The following CCBE1 variants were observed in gnomAD, a reference collection of about 807,000 sequenced individuals.
CCBE1 encodes collagen and calcium-binding EGF domain-containing protein 1.
In CCBE1, 37 loss-of-function variants were observed where a neutral mutation model predicts 50.0. The observed-to-expected ratio is 0.74, with a 90% CI of 0.57 to 0.97. The LOEUF (loss-of-function observed/expected upper bound fraction) is 0.97, where lower values mean the gene tolerates loss of function less well. CCBE1 is among the 50% of genes least tolerant of loss of function. The probability of loss-of-function intolerance (pLI) is 0.00; values close to 1 mark genes in which losing one functional copy is unlikely to be tolerated. For synonymous variants in CCBE1, 234 were observed against 203.7 expected (o/e 1.15, Z -1.27); for missense variants, 538 against 523.8 (o/e 1.03, Z -0.26).
At chr18:59,499,738 G>C (rs78559518) in intron 2 of CCBE1, among the ~76,000 whole-genome samples, 1 of 152,150 alleles carries the variant, frequency 6.6e-6, no homozygotes. Flanking sequence ...AAACCATATC[G>C]CTAGGTAAGC....
rs138396998 is a variant in CCBE1 at position 59,538,415 on chromosome 18, C to T, written c.213-58177G>A. Among the ~76,000 whole-genome samples, 584 of 152,274 alleles carry T rather than the reference C, an allele frequency of 3.8e-3. 2 individuals carry two copies. The highest frequency in any genetic ancestry group is 0.011 in the African/African-American group (455 of 41,542). On this transcript the variant is annotated intron_variant, in intron 2 of 10. Transcript: ENST00000439986. ...CTATTATTGGGATACTTTGAAAAGG[C>T]GCGATGCAATGCCAAGAAGCAAATC... is the stretch of plus-strand genomic sequence containing the variant.
intron 2 of CCBE1, among the ~76,000 whole-genome samples, chr18:59,678,234 A>G (rs993926720): frequency 6.6e-6 from 1 of 152,242 alleles, no homozygotes; most frequent in Non-Finnish European, 1.5e-5. Context: ...GGCAAAAACC[A>G]AAAGAATAAG....
chr18:59,516,400 G>C (rs1168112370), intron 2 of CCBE1, among the ~76,000 whole-genome samples: 1 of 152,124 alleles, frequency 6.6e-6, no homozygotes. Flanking sequence ...TTTCATTAAG[G>C]CTGGGGGATA....
chr18:59,530,180 C>G (rs775401621), intron 2 of CCBE1, among the ~76,000 whole-genome samples: 21 of 151,998 alleles, frequency 1.4e-4, no homozygotes, highest in Non-Finnish European at 2.9e-4. Context: ...TGACTGAGGC[C>G]CACTGGCAGA....
At chr18:59,600,824 T>C (rs1287359637) in intron 2 of CCBE1, among the ~76,000 whole-genome samples, 2 of 151,984 alleles carry the variant, frequency 1.3e-5, no homozygotes, top group Non-Finnish European at 2.9e-5. Context: ...CTTCACCTCA[T>C]CCCCTAGCCT....
chr18:59,576,784 C>T (rs528632690), intron 2 of CCBE1, among the ~76,000 whole-genome samples: 104 of 152,278 alleles, frequency 6.8e-4, no homozygotes, highest in African/African-American at 2.4e-3. Context: ...GAAATGCATC[C>T]GTGTGTCTGG....
intron 2 of CCBE1, among the ~76,000 whole-genome samples, chr18:59,643,420 C>T (rs1036604965): frequency 3.3e-5 from 5 of 152,284 alleles, no homozygotes; most frequent in South Asian, 2.1e-4. Flanking sequence ...GTAGGACACT[C>T]GATATCCCAA....
At chr18:59,571,539 T>C (rs1454881862) in intron 2 of CCBE1, among the ~76,000 whole-genome samples, 1 of 131,188 alleles carries the variant, frequency 7.6e-6, no homozygotes, top group African/African-American at 2.7e-5. Context: ...TGATGAATAA[T>C]GGGTGCAGCA....
At chr18:59,596,261 G>A (rs2053349440) in intron 2 of CCBE1, among the ~76,000 whole-genome samples, 1 of 152,156 alleles carries the variant, frequency 6.6e-6, no homozygotes, top group Non-Finnish European at 1.5e-5. Flanking sequence ...TGGACGTAAA[G>A]TACCAATGTC....
intron 2 of CCBE1, among the ~76,000 whole-genome samples, chr18:59,514,285 A>T (rs1914265333): frequency 6.6e-6 from 1 of 152,186 alleles, no homozygotes; most frequent in South Asian, 2.1e-4. Flanking sequence ...ATGCTAAATC[A>T]GTGGCGTTTA....
chr18:59,495,546 G>T lies in CCBE1; in HGVS notation c.213-15308C>A, dbSNP rs1434018040. On this transcript the variant is annotated intron_variant, in intron 2 of 10. Transcript: ENST00000439986. Reference sequence around the variant, plus strand: ...CTCTCTGGCTTCTTTACTGTGCCCAGTTAGGCCACGTGGACATCTCCCCAG... The same window carrying T: ...CTCTCTGGCTTCTTTACTGTGCCCATTTAGGCCACGTGGACATCTCCCCAG... Among the ~76,000 whole-genome samples the T allele has an allele frequency of 8.6e-5, 13 of 150,946 alleles. 1 individual carries two copies. Among genetic ancestry groups the T allele is most frequent in the African/African-American group, 2.7e-4 (11 of 41,068 alleles).
chr18:59,506,266 A>G (rs1384492675), intron 2 of CCBE1, among the ~76,000 whole-genome samples: 2 of 152,230 alleles, frequency 1.3e-5, no homozygotes, highest in South Asian at 2.1e-4. Flanking sequence ...TGTCACAACC[A>G]TGGCAAGCTA....
intron 7 of CCBE1, among the ~76,000 whole-genome samples, chr18:59,445,376 G>GT (rs374322194): frequency 2.6e-5 from 4 of 152,242 alleles, no homozygotes; most frequent in Non-Finnish European, 5.9e-5. Context: ...CTTAGTAAAT[G>GT]TTTTTTACTA....
At chr18:59,653,804 C>G (rs886686154) in intron 2 of CCBE1, among the ~76,000 whole-genome samples, 21 of 152,360 alleles carry the variant, frequency 1.4e-4, no homozygotes, top group African/African-American at 5.1e-4. Flanking sequence ...GTTTTAGTTA[C>G]AACCCAATTT....
At chr18:59,446,774 A>C (rs1188891281) in intron 7 of CCBE1, among the ~76,000 whole-genome samples, 1 of 152,224 alleles carries the variant, frequency 6.6e-6, no homozygotes, top group Non-Finnish European at 1.5e-5. Flanking sequence ...CTCCCACAGC[A>C]GGAAGCATCT....
Position 59,430,948 on chromosome 18 carries a change from TA to T in CCBE1, c.*4959del, listed in dbSNP as rs1909927506. 6.6e-6 allele frequency: 1 copy of T among 152,186 alleles called. No homozygotes were observed. The highest frequency in any genetic ancestry group is 2.1e-4 in the South Asian group (1 of 4,834). 9.4% of individuals were successfully genotyped at this position (152,186 alleles called of 1,614,324 possible). A position where few individuals can be genotyped will look rare whatever the true frequency, so the allele number is the denominator to read the frequency against. On this transcript the variant is annotated 3_prime_UTR_variant, in exon 11 of 11. Coordinates refer to ENST00000439986, the MANE Select transcript of CCBE1 (RefSeq NM_133459.4). ...ACACAGTAGAGCAATGTAAGAAAAA[TA>T]ACTTTGTTATTAAGCATATACAATC...
Position 59,454,695 on chromosome 18 carries a change from G to T in CCBE1, c.654+156C>A, listed in dbSNP as rs138153086. Among the ~76,000 whole-genome samples, 288 of 152,340 alleles carry T rather than the reference G, an allele frequency of 1.9e-3. 1 individual carries two copies. Among genetic ancestry groups the T allele is most frequent in the African/African-American group, 6.2e-3 (259 of 41,566 alleles). ...TGATGCCCCTTGGATGGCTCTGAGGGTGGGCAAAACATCCCAAGTCCATGC... is the reference window on the plus strand; with the variant it reads ...TGATGCCCCTTGGATGGCTCTGAGGTTGGGCAAAACATCCCAAGTCCATGC... On this transcript the variant is annotated intron_variant, in intron 6 of 10. Transcript: ENST00000439986.
chr18:59,641,293 T>G (rs2053986401), intron 2 of CCBE1, among the ~76,000 whole-genome samples: 1 of 152,150 alleles, frequency 6.6e-6, no homozygotes, highest in South Asian at 2.1e-4. Flanking sequence ...AAGAAGATCA[T>G]GTCCTTTGCA....
At chr18:59,476,678 C>T (rs1028694317) in intron 3 of CCBE1, among the ~76,000 whole-genome samples, 8 of 152,236 alleles carry the variant, frequency 5.3e-5, no homozygotes, top group Non-Finnish European at 7.3e-5. Flanking sequence ...GAGGCAGCAA[C>T]GCTTAAAAAC....
Sources: gnomAD v4.1 joint callset for allele counts (sites outside exome capture counted in the v4.1 genomes callset) on GRCh38, gnomAD v4.1.1 for gene constraint, MANE v1.5 for transcripts, NCBI Gene and HGNC (gene_info 2026-07-23, HGNC 2026-07-21) for gene names.